Variants in COLEC11 observed in about 807,000 individuals in gnomAD.
COLEC11 encodes the protein collectin-11.
Under a neutral mutation model 27.3 loss-of-function variants are expected in COLEC11, and 20 were observed. The observed-to-expected ratio is 0.73, with a 90% CI of 0.51 to 1.06. The LOEUF is 1.06. Ranked by LOEUF, COLEC11 falls within the 50% of genes least tolerant of loss-of-function variation. COLEC11 has a pLI of 0.00. For missense variants in COLEC11, 310 were observed against 383.0 expected, an observed-to-expected ratio of 0.81 and a Z score of 1.59; for synonymous variants, 163 against 154.7, an observed-to-expected ratio of 1.05 and a Z score of -0.40.
At chr2:3,609,352 A>ATTTTTTTTTTTTTTT (rs567474674) in intron 2 of COLEC11, among the ~76,000 whole-genome samples, 11 of 87,492 alleles carry the variant, frequency 1.3e-4, no homozygotes, top group Non-Finnish European at 2.2e-4. Context: ...TTTTTCTTTG[A>ATTTTTTTTTTTTTTT]TTTTTTTTTT....
chr2:3,639,494 G>A (rs937278724), intron 4 of COLEC11, among the ~76,000 whole-genome samples: 1 of 152,226 alleles, frequency 6.6e-6, no homozygotes, highest in Non-Finnish European at 1.5e-5. Flanking sequence ...TGGAGACTGC[G>A]AAACTCCTTC....
chr2:3,602,808 C>T lies in COLEC11; in HGVS notation c.-26-1507C>T, dbSNP rs748314164. 1.1e-4 allele frequency among the ~76,000 whole-genome samples: 17 copies of T among 152,216 alleles called. No homozygotes were observed. The highest frequency in any genetic ancestry group is 2.4e-4 in the Non-Finnish European group (16 of 68,042). The stretch of plus-strand genomic sequence containing the variant: ...CTGCCTCAAGGCTTTCTCTGAGCCG[C>T]CCTCACCCACCTGTCAGCGAGGCTT... On this transcript the variant is annotated intron_variant, in intron 1 of 6. Coordinates refer to ENST00000349077, the MANE Select transcript of COLEC11 (RefSeq NM_024027.5). The surrounding 1 kb of genome is among the most constrained non-coding windows in gnomAD (Gnocchi z 6.2).
At chr2:3,629,965 T>C (rs2147934002) in intron 3 of COLEC11, among the ~76,000 whole-genome samples, 1 of 152,334 alleles carries the variant, frequency 6.6e-6, no homozygotes, top group South Asian at 2.1e-4. Context: ...ACATGCTATG[T>C]GTGGTTGTAT....
intron 2 of COLEC11, 62 bp from the exon 3 acceptor site, chr2:3,613,249 A>C (rs995679315): frequency 4.6e-6 from 7 of 1,538,164 alleles, no homozygotes; most frequent in Middle Eastern, 1.7e-4. Flanking sequence ...TTCCTCCACA[A>C]ATCACTCTGA....
chr2:3,606,724 G>A (rs896545396), intron 2 of COLEC11, among the ~76,000 whole-genome samples: 4 of 152,208 alleles, frequency 2.6e-5, no homozygotes, highest in African/African-American at 7.2e-5. Context: ...GAGCACCAGG[G>A]GCAAGGAGCG....
chr2:3,607,129 C>T (rs1486544419), intron 2 of COLEC11, among the ~76,000 whole-genome samples: 2 of 152,122 alleles, frequency 1.3e-5, no homozygotes, highest in Non-Finnish European at 2.9e-5. Flanking sequence ...GCCAACTCCA[C>T]ATTTGGCTGG....
At chr2:3,617,687 G>A in intron 3 of COLEC11, 1 of 1,610,882 alleles carries the variant, frequency 6.2e-7, no homozygotes, top group Non-Finnish European at 8.5e-7. Context: ...AGACATGGTT[G>A]TGGAGGAAAA....
intron 1 of COLEC11, chr2:3,603,833 G>A (rs1662421921): frequency 9.4e-6 from 6 of 640,364 alleles, no homozygotes; most frequent in Non-Finnish European, 1.6e-5. Flanking sequence ...CTAAGGAGAT[G>A]TGGGGGCGTG....
intron 1 of COLEC11, chr2:3,601,818 G>A (rs1357564979): frequency 1.3e-5 from 2 of 151,906 alleles, no homozygotes; most frequent in African/African-American, 2.4e-5. Flanking sequence ...CAGTGGAAAC[G>A]GACATTTAAC....
chr2:3,630,896 T>A (rs1051933412), intron 3 of COLEC11, among the ~76,000 whole-genome samples: 13 of 152,218 alleles, frequency 8.5e-5, no homozygotes, highest in Non-Finnish European at 2.9e-5. Context: ...AGCCATTGCT[T>A]TGACTGTTTT....
At chr2:3,617,015 A>G (rs945519653) in intron 3 of COLEC11, among the ~76,000 whole-genome samples, 2 of 152,208 alleles carry the variant, frequency 1.3e-5, no homozygotes, top group African/African-American at 4.8e-5. Flanking sequence ...TGTTGTGAAT[A>G]ATGCTGCAGT....
chr2:3,614,920 T>C (rs371146563), intron 3 of COLEC11, among the ~76,000 whole-genome samples: 1 of 152,336 alleles, frequency 6.6e-6, no homozygotes, highest in African/African-American at 2.4e-5. Context: ...TTCCCAATAT[T>C]AGCAGTTGAA....
intron 3 of COLEC11, chr2:3,617,892 G>C: frequency 1.9e-6 from 1 of 518,210 alleles, no homozygotes. Flanking sequence ...ATCCTAACAG[G>C]TGTGAGGTAA....
At chr2:3,623,542 C>T (rs762086950) in intron 3 of COLEC11, among the ~76,000 whole-genome samples, 38 of 151,928 alleles carry the variant, frequency 2.5e-4, no homozygotes, top group Non-Finnish European at 5.0e-4. Context: ...TCATCAAGCT[C>T]ACATATTCTT....
At chr2:3,628,338 A>G (rs1313826718) in intron 3 of COLEC11, among the ~76,000 whole-genome samples, 3 of 152,176 alleles carry the variant, frequency 2.0e-5, no homozygotes, top group Admixed American at 6.5e-5. Context: ...CTGCCTATCT[A>G]TGGAGGTGGG....
chr2:3,619,754 T>C (rs1377587072), intron 3 of COLEC11, among the ~76,000 whole-genome samples: 1 of 152,144 alleles, frequency 6.6e-6, no homozygotes, highest in African/African-American at 2.4e-5. Flanking sequence ...GCCGCCCAAG[T>C]AGCTGGGATT....
intron 1 of COLEC11, among the ~76,000 whole-genome samples, chr2:3,597,723 G>T (rs1411485629): frequency 3.3e-5 from 5 of 151,740 alleles, no homozygotes; most frequent in African/African-American, 1.2e-4. Flanking sequence ...ACACTGAGAA[G>T]TGAGGTTCGA....
intron 1 of COLEC11, chr2:3,603,802 C>T: frequency 1.3e-6 from 1 of 788,404 alleles, no homozygotes; most frequent in South Asian, 1.6e-5. Context: ...CGAGGAAGGC[C>T]AGGTGCCTGT....
chr2:3,599,409 G>C (rs1233666870), intron 1 of COLEC11, among the ~76,000 whole-genome samples: 3 of 152,210 alleles, frequency 2.0e-5, no homozygotes, highest in African/African-American at 2.4e-5. Flanking sequence ...CTGTGCGGGG[G>C]ACAGGCATTC....
Sources: gnomAD v4.1 joint callset for allele counts (sites outside exome capture counted in the v4.1 genomes callset) on GRCh38, gnomAD v4.1.1 for gene constraint, Gnocchi (gnomAD v3.1) non-coding constraint, MANE v1.5 for transcripts, NCBI Gene and HGNC (gene_info 2026-07-23, HGNC 2026-07-21) for gene names.